The following MALRD1 variants were observed in gnomAD, a reference collection of about 807,000 sequenced individuals.
MALRD1 encodes the protein MAM and LDL-receptor class A domain-containing protein 1.
MALRD1 carries 247 observed loss-of-function variants against 242.1 expected under a neutral mutation model. That is an observed-to-expected ratio of 1.02 (90% CI 0.92 to 1.13). The LOEUF is 1.13. Among genes scored for constraint, MALRD1 ranks in the 50% most tolerant of loss-of-function variants. The probability of loss-of-function intolerance (pLI) is 0.00; values close to 1 mark genes in which losing one functional copy is unlikely to be tolerated. For missense variants in MALRD1, 2,989 were observed against 2,533.1 expected (o/e 1.18, Z -3.86); for synonymous variants, 995 against 866.6 (o/e 1.15, Z -2.60).
At chr10:19,050,831 G>T (rs1834471492) in intron 1 of MALRD1, among the ~76,000 whole-genome samples, 1 of 152,166 alleles carries the variant, frequency 6.6e-6, no homozygotes, top group Admixed American at 6.5e-5. Context: ...TCTCTATGAA[G>T]CTTCCTTCAG....
At chr10:19,387,854 G>A in intron 27 of MALRD1, 81 bp downstream of exon 27, 2 of 1,448,858 alleles carry the variant, frequency 1.4e-6, no homozygotes, top group South Asian at 2.9e-5. Flanking sequence ...AGCAACTGGG[G>A]AGCTCTGAAG....
chr10:19,049,378 A>AC (rs982848799), intron 1 of MALRD1, among the ~76,000 whole-genome samples: 45 of 152,300 alleles, frequency 3.0e-4, no homozygotes, highest in African/African-American at 1.1e-3. Context: ...GTTTTTACTG[A>AC]TTATGAAGAA....
chr10:19,095,050 A>T (rs964102764), intron 4 of MALRD1, among the ~76,000 whole-genome samples: 1 of 152,108 alleles, frequency 6.6e-6, no homozygotes. Flanking sequence ...TTTTTTTATC[A>T]TCTGTTATTA....
intron 18 of MALRD1, among the ~76,000 whole-genome samples, chr10:19,229,380 C>T (rs183468339): frequency 4.6e-5 from 7 of 152,134 alleles, no homozygotes; most frequent in African/African-American, 1.4e-4. Flanking sequence ...TTGTGTCCCA[C>T]CAATATTTGA....
chr10:19,600,391 A>G (rs1838292644), intron 34 of MALRD1, among the ~76,000 whole-genome samples: 5 of 152,224 alleles, frequency 3.3e-5, no homozygotes, highest in Admixed American at 3.3e-4. Flanking sequence ...CATAATACAC[A>G]CAATAAATTA....
At chr10:19,516,268 A>G (rs556061956) in intron 31 of MALRD1, among the ~76,000 whole-genome samples, 1 of 152,332 alleles carries the variant, frequency 6.6e-6, no homozygotes, top group Admixed American at 6.5e-5. Context: ...TTTAAGGAAT[A>G]TCTAATTTAT....
At chr10:19,485,727 A>C (rs957355495) in intron 29 of MALRD1, among the ~76,000 whole-genome samples, 24 of 152,098 alleles carry the variant, frequency 1.6e-4, no homozygotes, top group African/African-American at 5.5e-4. Flanking sequence ...GATAGATATC[A>C]AAAGCCCTAA....
At chr10:19,374,453 G>T (rs1289940181) in intron 26 of MALRD1, among the ~76,000 whole-genome samples, 1 of 152,152 alleles carries the variant, frequency 6.6e-6, no homozygotes, top group Admixed American at 6.5e-5. Flanking sequence ...CTTTCTGCAA[G>T]CTATAACAAA....
intron 28 of MALRD1, among the ~76,000 whole-genome samples, chr10:19,445,875 A>C (rs998652597): frequency 2.6e-5 from 4 of 152,182 alleles, no homozygotes; most frequent in Admixed American, 6.5e-5. Context: ...CCTTTTGTTC[A>C]GCTATGCCCT....
Position 19,593,457 on chromosome 10 carries a change from A to G in MALRD1, c.5681-1737A>G, listed in dbSNP as rs921932655. ...AATGAATTTGCTATATCATCTTTAC[A>G]TATAACACAAATTATTCTCATACAA... On this transcript the variant is annotated intron_variant, in intron 33 of 39. Transcript: ENST00000454679. 2.0e-5 allele frequency among the ~76,000 whole-genome samples: 3 copies of G among 152,226 alleles called. No homozygotes were observed. The East Asian group carries it at 5.8e-4, about 29-fold the overall frequency.
chr10:19,509,229 G>A (rs1833287266), intron 31 of MALRD1, among the ~76,000 whole-genome samples: 1 of 152,102 alleles, frequency 6.6e-6, no homozygotes, highest in African/African-American at 2.4e-5. Flanking sequence ...ACCAAAAGTG[G>A]TTCAGAGAGC....
At chr10:19,171,742 T>TATACGTATATATATC (rs1834976138) in intron 13 of MALRD1, among the ~76,000 whole-genome samples, 1 of 121,496 alleles carries the variant, frequency 8.2e-6, no homozygotes, top group Non-Finnish European at 1.8e-5. Context: ...ATATATATCA[T>TATACGTATATATATC]ATAATATACG....
At chr10:19,719,223 C>CATACATATAT (rs1176551831) in intron 38 of MALRD1, among the ~76,000 whole-genome samples, 3 of 76,428 alleles carry the variant, frequency 3.9e-5, no homozygotes, top group South Asian at 4.0e-4. Flanking sequence ...CACATACATA[C>CATACATATAT]ATATATATAT....
intron 18 of MALRD1, among the ~76,000 whole-genome samples, chr10:19,230,461 A>G (rs1838001983): frequency 6.6e-6 from 1 of 152,110 alleles, no homozygotes; most frequent in Non-Finnish European, 1.5e-5. Context: ...GTGAGAGAGG[A>G]AGCAAGAGAG....
chr10:19,570,424 G>T (rs1314302908), intron 33 of MALRD1, among the ~76,000 whole-genome samples: 2 of 152,054 alleles, frequency 1.3e-5, no homozygotes, highest in Non-Finnish European at 2.9e-5. Context: ...GACATTTGAA[G>T]TAAACTCAAA....
chr10:19,623,947 A>T (rs75932307), intron 36 of MALRD1, among the ~76,000 whole-genome samples: 3 of 152,284 alleles, frequency 2.0e-5, no homozygotes, highest in Non-Finnish European at 2.9e-5. Flanking sequence ...TGAAAAAAAG[A>T]TTCATTTATT....
chr10:19,430,145 C>T (rs1036780533), intron 28 of MALRD1, among the ~76,000 whole-genome samples: 5 of 91,448 alleles, frequency 5.5e-5, no homozygotes, highest in African/African-American at 2.3e-4. Context: ...GATGGAGGCT[C>T]ACTCTGTTGC....
chr10:19,439,061 A>G (rs926365803), intron 28 of MALRD1, among the ~76,000 whole-genome samples: 4 of 152,286 alleles, frequency 2.6e-5, no homozygotes, highest in East Asian at 1.9e-4. Context: ...AATTTCCTCA[A>G]AATTCTCACA....
At chr10:19,407,116 A>G (rs1833061609) in intron 28 of MALRD1, among the ~76,000 whole-genome samples, 1 of 152,084 alleles carries the variant, frequency 6.6e-6, no homozygotes, top group Non-Finnish European at 1.5e-5. Context: ...AGCATGGATC[A>G]AATCCCAAGA....
Sources: allele counts gnomAD v4.1 joint callset (sites outside exome capture counted in the v4.1 genomes callset), GRCh38; gene constraint gnomAD v4.1.1; transcripts MANE v1.5; gene names NCBI Gene and HGNC (gene_info 2026-07-23, HGNC 2026-07-21).